RGS6: variants seen among roughly 807,000 people sequenced by gnomAD.
RGS6 encodes the protein regulator of G protein signaling 6.
A neutral mutation model predicts 78.5 loss-of-function variants in RGS6; 30 were observed. That is an observed-to-expected ratio of 0.38 (90% CI 0.29 to 0.52). RGS6 has a LOEUF of 0.52. RGS6 is among the 20% of genes least tolerant of loss of function. The pLI is 0.85. For missense variants in RGS6, 495 were observed against 609.7 expected (o/e 0.81, Z 1.98); for synonymous variants, 206 against 206.0 (o/e 1.00, Z 0.00).
At chr14:71,964,032 T>TG (rs924279178) in intron 1 of RGS6, among the ~76,000 whole-genome samples, 3 of 150,306 alleles carry the variant, frequency 2.0e-5, no homozygotes, top group Non-Finnish European at 3.0e-5. Flanking sequence ...TACTTGAGGT[T>TG]TTTTTTTTTT....
intron 2 of RGS6, among the ~76,000 whole-genome samples, chr14:72,089,981 A>G (rs1597382442): frequency 6.6e-6 from 1 of 152,260 alleles, no homozygotes; most frequent in East Asian, 1.9e-4. Flanking sequence ...CTGTTATAAG[A>G]CACGTTGTAA....
intron 2 of RGS6, among the ~76,000 whole-genome samples, chr14:72,258,982 G>A (rs1021549289): frequency 7.2e-5 from 11 of 152,128 alleles, no homozygotes; most frequent in Non-Finnish European, 1.0e-4. Context: ...TGGTGTCTAC[G>A]AGATTGGGAA....
intron 2 of RGS6, among the ~76,000 whole-genome samples, chr14:72,173,618 C>T (rs1451206546): frequency 1.3e-5 from 2 of 152,248 alleles, no homozygotes; most frequent in Admixed American, 6.5e-5. Flanking sequence ...CTCCAATAAC[C>T]TCGACTCTTG....
chr14:72,280,042 A>T (rs943896117), intron 2 of RGS6, among the ~76,000 whole-genome samples: 2 of 152,182 alleles, frequency 1.3e-5, no homozygotes, highest in African/African-American at 2.4e-5. Context: ...CATAAAAATT[A>T]TTAACATGTA....
the RGS6 span, among the ~76,000 whole-genome samples, chr14:72,602,380 T>C: frequency 2.0e-5 from 3 of 152,236 alleles, no homozygotes; most frequent in Non-Finnish European, 4.4e-5. Context: ...CATGTGACTG[T>C]GTTTAATCCT....
At chr14:72,257,030 TG>T (rs772481910) in intron 2 of RGS6, among the ~76,000 whole-genome samples, 2 of 152,184 alleles carry the variant, frequency 1.3e-5, no homozygotes, top group Non-Finnish European at 2.9e-5. Flanking sequence ...TACATGAAGA[TG>T]CTTTCTACTT....
At chr14:72,113,063 TACAC>T (rs367599502) in intron 2 of RGS6, among the ~76,000 whole-genome samples, 6 of 139,694 alleles carry the variant, frequency 4.3e-5, no homozygotes, top group Non-Finnish European at 6.4e-5. Flanking sequence ...TTCCTACACT[TACAC>T]ACACACACAC....
chr14:72,609,374 C>A, the RGS6 span, among the ~76,000 whole-genome samples: 1 of 152,168 alleles, frequency 6.6e-6, no homozygotes, highest in Non-Finnish European at 1.5e-5. Flanking sequence ...AGTCCCGGGT[C>A]AGGAGTCCAC....
rs2097703306 is a variant in RGS6 at position 72,564,989 on chromosome 14, C to A, written c.*2522C>A. On this transcript the variant is annotated 3_prime_UTR_variant, in exon 18 of 18. Transcript: ENST00000553525. ...AAGGGAGTGGAACGAGGCTGCCTATCCAAGGTCCATCTACCACGCAGAACT... is the reference window on the plus strand; with the variant it reads ...AAGGGAGTGGAACGAGGCTGCCTATACAAGGTCCATCTACCACGCAGAACT... 3 of 152,284 alleles carry A rather than the reference C, an allele frequency of 2.0e-5. No homozygotes were observed. The highest frequency in any genetic ancestry group is 2.0e-4 in the Admixed American group (3 of 15,296). 9.4% of individuals were successfully genotyped at this position (152,284 alleles called of 1,614,324 possible).
intron 2 of RGS6, among the ~76,000 whole-genome samples, chr14:72,343,221 G>A (rs1343119739): frequency 6.6e-6 from 1 of 152,202 alleles, no homozygotes; most frequent in Non-Finnish European, 1.5e-5. Flanking sequence ...CAAGTTGCTA[G>A]CAGGACTGTG....
At chr14:72,054,185 A>C (rs2093489376) in intron 2 of RGS6, among the ~76,000 whole-genome samples, 1 of 152,248 alleles carries the variant, frequency 6.6e-6, no homozygotes, top group South Asian at 2.1e-4. Context: ...TCCTTACAGA[A>C]ATATAAAGAG....
chr14:72,357,199 G>A (rs1379985418), intron 3 of RGS6, among the ~76,000 whole-genome samples: 1 of 151,890 alleles, frequency 6.6e-6, no homozygotes, highest in African/African-American at 2.4e-5. Flanking sequence ...TTGAGCCCAG[G>A]CAGCAGAGGT....
chr14:72,009,632 G>A (rs144220111), intron 2 of RGS6, among the ~76,000 whole-genome samples: 5 of 152,252 alleles, frequency 3.3e-5, no homozygotes, highest in South Asian at 2.1e-4. Context: ...GAATCTGGGG[G>A]TGGTCTTGAG....
chr14:72,205,149 G>T (rs2042425207), intron 2 of RGS6, among the ~76,000 whole-genome samples: 1 of 152,098 alleles, frequency 6.6e-6, no homozygotes. Context: ...GGAAGGAGAA[G>T]CCTCCCCTGG....
At chr14:72,118,405 T>C (rs932363488) in intron 2 of RGS6, among the ~76,000 whole-genome samples, 2 of 152,200 alleles carry the variant, frequency 1.3e-5, no homozygotes, top group East Asian at 1.9e-4. Context: ...ACTGGCGTTA[T>C]GTCCATTTAT....
intron 2 of RGS6, among the ~76,000 whole-genome samples, chr14:72,323,708 A>G (rs561869964): frequency 3.4e-5 from 5 of 145,192 alleles, no homozygotes; most frequent in South Asian, 4.5e-4. Flanking sequence ...AGGCTTAGGC[A>G]GGAGAATTGC....
intron 14 of RGS6, among the ~76,000 whole-genome samples, chr14:72,514,986 CAACACT>C (rs1356407646): frequency 2.6e-5 from 4 of 152,152 alleles, no homozygotes; most frequent in Non-Finnish European, 4.4e-5. Flanking sequence ...CGAAGATGGC[CAACACT>C]AACCAAAGCC....
chr14:72,143,808 T>A (rs1397550701), intron 2 of RGS6, among the ~76,000 whole-genome samples: 1 of 152,230 alleles, frequency 6.6e-6, no homozygotes, highest in African/African-American at 2.4e-5. Flanking sequence ...GAAATAAATT[T>A]TCTCTCAGCA....
intron 2 of RGS6, among the ~76,000 whole-genome samples, chr14:72,027,180 A>C (rs77036663): frequency 0.13 from 19,695 of 151,868 alleles, 1,328 homozygotes; most frequent in East Asian, 0.17. Flanking sequence ...ACGGGGAGGC[A>C]GGAAACCACC....
Sources: allele counts gnomAD v4.1 joint callset (sites outside exome capture counted in the v4.1 genomes callset), GRCh38; gene constraint gnomAD v4.1.1; transcripts MANE v1.5; gene names NCBI Gene and HGNC (gene_info 2026-07-23, HGNC 2026-07-21).